Variants in DNAJC1 observed in about 807,000 individuals in gnomAD.
DNAJC1 encodes DnaJ heat shock protein family (Hsp40) member C1.
A neutral mutation model predicts 76.6 loss-of-function variants in DNAJC1; 58 were observed. The observed-to-expected ratio is 0.76, with a 90% CI of 0.61 to 0.94. The LOEUF is 0.94. DNAJC1 is among the 40% of genes least tolerant of loss of function. DNAJC1 has a pLI of 0.00. For missense variants in DNAJC1, 689 were observed against 677.3 expected, an observed-to-expected ratio of 1.02 and a Z score of -0.19; for synonymous variants, 258 against 267.9, an observed-to-expected ratio of 0.96 and a Z score of 0.36.
At chr10:21,985,837 T>C (rs901941166) in intron 1 of DNAJC1, among the ~76,000 whole-genome samples, 2 of 152,204 alleles carry the variant, frequency 1.3e-5, no homozygotes, top group Admixed American at 6.5e-5. Flanking sequence ...TGAACACTCA[T>C]GTACAAGTCT....
intron 3 of DNAJC1, among the ~76,000 whole-genome samples, chr10:21,925,168 C>A: frequency 6.6e-6 from 1 of 152,064 alleles, no homozygotes. Context: ...TGCAACACTA[C>A]ACCCTGGTAA....
intron 8 of DNAJC1, among the ~76,000 whole-genome samples, chr10:21,853,413 CCTGGGAGAGAGTAAA>C (rs1218893193): frequency 5.9e-5 from 9 of 151,872 alleles, no homozygotes; most frequent in Non-Finnish European, 1.3e-4. Context: ...GTAGATTAAC[CCTGGGAGAGAGTAAA>C]CTGACCACGT....
At chr10:21,830,173 AAC>A (rs1438621671) in intron 8 of DNAJC1, among the ~76,000 whole-genome samples, 2 of 152,038 alleles carry the variant, frequency 1.3e-5, no homozygotes, top group Non-Finnish European at 2.9e-5. Flanking sequence ...TAGATTTATC[AAC>A]ATGATTTCCC....
At chr10:21,869,359 T>C (rs1277845125) in intron 8 of DNAJC1, among the ~76,000 whole-genome samples, 10 of 152,082 alleles carry the variant, frequency 6.6e-5, no homozygotes, top group Non-Finnish European at 1.5e-4. Flanking sequence ...TTGACTTCAA[T>C]TCTCCAGACA....
chr10:21,757,885 G>C (rs1470579578), intron 11 of DNAJC1, among the ~76,000 whole-genome samples: 1 of 152,156 alleles, frequency 6.6e-6, no homozygotes, highest in Non-Finnish European at 1.5e-5. Flanking sequence ...CAGCCCCCCA[G>C]GTATGAGTTT....
chr10:21,756,742 G>A lies in DNAJC1; in HGVS notation c.1610C>T (p.Ala537Val), dbSNP rs1482829505. Reference protein sequence around the residue: ...VPSKSKEDCIARYKLLVELVQ... With the variant: ...VPSKSKEDCIVRYKLLVELVQ... ...CAGTTCAACCAGCAACTTGTACCTA[G>A]CGATACAGTCTTCCTGTAGGAAGAA... Residue 537 changes from alanine to valine, a missense_variant, in exon 12 of 12, where the codon GCT (alanine) becomes GTT (valine). By Grantham distance (64) the Ala-to-Val change is moderately conservative. Transcript: ENST00000376980. 1 of 1,613,392 alleles carries A rather than the reference G, an allele frequency of 6.2e-7. No individual in the cohort carries two copies. Among genetic ancestry groups the A allele is most frequent in the East Asian group, 2.2e-5 (1 of 44,900 alleles).
At chr10:21,929,170 CA>C in intron 1 of DNAJC1, 29 bp from the exon 2 acceptor site, 1 of 1,496,578 alleles carries the variant, frequency 6.7e-7, no homozygotes, top group Non-Finnish European at 9.2e-7. Context: ...GGGGAAAATA[CA>C]AAGCAAACTT....
rs909944670 is a variant in DNAJC1, at chr10:22,003,629, G to C, written c.-195C>G. The C allele has an allele frequency of 5.2e-5, 29 of 562,104 alleles. No individual in the cohort carries two copies. Among genetic ancestry groups the C allele is most frequent in the Non-Finnish European group, 7.2e-5 (27 of 375,256 alleles). 34.8% of individuals were successfully genotyped at this position (562,104 alleles called of 1,614,324 possible). A position where few individuals can be genotyped will look rare whatever the true frequency, so the allele number is the denominator to read the frequency against. On this transcript the variant is annotated 5_prime_UTR_variant, in exon 1 of 12. Transcript: ENST00000376980. ...GAGCCGGCTGCCGGACGGGCGGGTG[G>C]GTAGGCGGGCGGGGCCGCAGCCAGC...
At chr10:21,776,890 T>C (rs977723894) in intron 9 of DNAJC1, among the ~76,000 whole-genome samples, 1 of 152,196 alleles carries the variant, frequency 6.6e-6, no homozygotes, top group African/African-American at 2.4e-5. Flanking sequence ...GTGAACACCG[T>C]AACAACATAA....
intron 1 of DNAJC1, among the ~76,000 whole-genome samples, chr10:21,982,808 C>G (rs1019360751): frequency 1.3e-5 from 2 of 151,918 alleles, no homozygotes; most frequent in Non-Finnish European, 2.9e-5. Flanking sequence ...TAAAATGGCA[C>G]AGCAGCTATG....
At chr10:21,992,723 T>C (rs1472845653) in intron 1 of DNAJC1, among the ~76,000 whole-genome samples, 1 of 152,204 alleles carries the variant, frequency 6.6e-6, no homozygotes, top group African/African-American at 2.4e-5. Flanking sequence ...TATCTGTCAG[T>C]CATGATTTAT....
intron 1 of DNAJC1, among the ~76,000 whole-genome samples, chr10:21,938,621 G>C (rs1208470339): frequency 6.6e-6 from 1 of 152,174 alleles, no homozygotes; most frequent in Non-Finnish European, 1.5e-5. Flanking sequence ...AAATGGGTAT[G>C]GTGGTGTTCC....
chr10:21,907,941 G>C (rs1836773766), intron 6 of DNAJC1, among the ~76,000 whole-genome samples: 2 of 143,760 alleles, frequency 1.4e-5, no homozygotes, highest in South Asian at 4.2e-4. Flanking sequence ...TCACACCACT[G>C]AACTCCAGCA....
At chr10:21,810,364 C>T (rs1180725087) in intron 8 of DNAJC1, among the ~76,000 whole-genome samples, 1 of 152,130 alleles carries the variant, frequency 6.6e-6, no homozygotes, top group Non-Finnish European at 1.5e-5. Flanking sequence ...TGGCGATCCT[C>T]CTAAATTTAA....
chr10:21,771,567 C>T (rs1209392724), intron 9 of DNAJC1, among the ~76,000 whole-genome samples: 1 of 152,066 alleles, frequency 6.6e-6, no homozygotes, highest in African/African-American at 2.4e-5. Flanking sequence ...GGCACGATCT[C>T]GGCTGACTGC....
intron 9 of DNAJC1, among the ~76,000 whole-genome samples, chr10:21,775,254 A>G (rs775614999): frequency 8.6e-5 from 13 of 151,564 alleles, no homozygotes; most frequent in Non-Finnish European, 1.6e-4. Context: ...GTCCAATGAT[A>G]ATATTCAAGT....
At chr10:21,926,167 G>T (rs186858519) in intron 3 of DNAJC1, among the ~76,000 whole-genome samples, 1 of 151,764 alleles carries the variant, frequency 6.6e-6, no homozygotes, top group East Asian at 1.9e-4. Context: ...GCCTAAGCTG[G>T]TTTCCAACTC....
At chr10:21,864,690 T>C (rs1410519802) in intron 8 of DNAJC1, among the ~76,000 whole-genome samples, 1 of 151,992 alleles carries the variant, frequency 6.6e-6, no homozygotes, top group African/African-American at 2.4e-5. Context: ...ACTTTGAGTT[T>C]GGCAAAGATT....
chr10:21,856,454 T>C lies in DNAJC1; in HGVS notation c.978+25828A>G, dbSNP rs149976915. The stretch of plus-strand genomic sequence containing the variant: ...TTGTAGCTGCATGGTGGAAATACTA[T>C]ATAATGGTAATCTACTACTATGCAT... On this transcript the variant is annotated intron_variant, in intron 8 of 11. Coordinates refer to ENST00000376980, the MANE Select transcript of DNAJC1 (RefSeq NM_022365.4). 1.1e-3 allele frequency among the ~76,000 whole-genome samples: 168 copies of C among 152,328 alleles called. 1 individual carries two copies. In the East Asian group the frequency reaches 0.026, roughly 24 times the overall value.
Sources: allele counts gnomAD v4.1 joint callset (sites outside exome capture counted in the v4.1 genomes callset), GRCh38; gene constraint gnomAD v4.1.1; transcripts MANE v1.5; gene names NCBI Gene and HGNC (gene_info 2026-07-23, HGNC 2026-07-21).